The following SDCCAG8 variants were observed in gnomAD, a reference collection of about 807,000 sequenced individuals.
SDCCAG8 encodes SHH signaling and ciliogenesis regulator SDCCAG8.
SDCCAG8 carries 74 observed loss-of-function variants against 101.8 expected under a neutral mutation model. That is an observed-to-expected ratio of 0.73 (90% CI 0.60 to 0.88). The LOEUF is 0.88. SDCCAG8 is among the 40% of genes least tolerant of loss of function. SDCCAG8 has a pLI of 0.00. For missense variants in SDCCAG8, 787 were observed against 822.6 expected (o/e 0.96, Z 0.53); for synonymous variants, 281 against 292.9 (o/e 0.96, Z 0.41).
intron 6 of SDCCAG8, among the ~76,000 whole-genome samples, chr1:243,294,306 T>C (rs1050064355): frequency 2.0e-5 from 3 of 152,212 alleles, no homozygotes; most frequent in African/African-American, 7.2e-5. Context: ...AAGGCTGTAA[T>C]ACTCCTTTTG....
At chr1:243,363,108 G>A (rs1208410795) in intron 12 of SDCCAG8, among the ~76,000 whole-genome samples, 2 of 152,164 alleles carry the variant, frequency 1.3e-5, no homozygotes, top group Non-Finnish European at 2.9e-5. Context: ...ATTAAAGTCA[G>A]TGGTCTAAAT....
rs1378080039 is a variant in SDCCAG8 at position 243,474,502 on chromosome 1, G to T, written c.1986-14512G>T. Among the ~76,000 whole-genome samples, 1 of 152,190 alleles carries T rather than the reference G, an allele frequency of 6.6e-6. No homozygotes were observed. Among genetic ancestry groups the T allele is most frequent in the Non-Finnish European group, 1.5e-5 (1 of 68,020 alleles). ...TCGAAGCAGCCGCCGGGAGGTCTGGGTGGGCAGGGAGGCCGAGAGGACGGT... is the reference window on the plus strand; with the variant it reads ...TCGAAGCAGCCGCCGGGAGGTCTGGTTGGGCAGGGAGGCCGAGAGGACGGT... On this transcript the variant is annotated intron_variant, in intron 16 of 17. Coordinates refer to ENST00000366541, the MANE Select transcript of SDCCAG8 (RefSeq NM_006642.5). The surrounding 1 kb of genome is among the most constrained non-coding windows in gnomAD (Gnocchi z 4.7).
chr1:243,442,943 T>C (rs573659643), intron 16 of SDCCAG8, among the ~76,000 whole-genome samples: 2 of 152,358 alleles, frequency 1.3e-5, no homozygotes, highest in Admixed American at 6.5e-5. Flanking sequence ...ATTGAGACAA[T>C]CAATTTACAT....
intron 12 of SDCCAG8, among the ~76,000 whole-genome samples, chr1:243,348,598 C>G (rs531009768): frequency 6.6e-6 from 1 of 152,094 alleles, no homozygotes; most frequent in South Asian, 2.1e-4. Context: ...CTGAGAACTG[C>G]GTAGGGCTGC....
intron 16 of SDCCAG8, among the ~76,000 whole-genome samples, chr1:243,485,722 G>C (rs765832374): frequency 6.6e-6 from 1 of 151,432 alleles, no homozygotes; most frequent in South Asian, 2.1e-4. Context: ...TGGCCAAGAT[G>C]GTGAAACCCT....
At chr1:243,485,894 GAAA>G (rs111581512) in intron 16 of SDCCAG8, among the ~76,000 whole-genome samples, 1 of 102,464 alleles carries the variant, frequency 9.8e-6, no homozygotes, top group Non-Finnish European at 2.0e-5. Context: ...TTCGTATCAA[GAAA>G]AAAAAAAAAA....
chr1:243,360,841 CA>C (rs889309956), intron 12 of SDCCAG8, among the ~76,000 whole-genome samples: 4 of 151,814 alleles, frequency 2.6e-5, no homozygotes, highest in African/African-American at 9.7e-5. Flanking sequence ...CAAAACAAAA[CA>C]AAAAAACAAA....
At chr1:243,258,892 A>G (rs1001744572) in intron 1 of SDCCAG8, among the ~76,000 whole-genome samples, 1 of 152,148 alleles carries the variant, frequency 6.6e-6, no homozygotes, top group Non-Finnish European at 1.5e-5. Context: ...TTGTCTACCC[A>G]CCATTACTTC....
intron 13 of SDCCAG8, among the ~76,000 whole-genome samples, chr1:243,401,950 G>A (rs529802360): frequency 6.6e-6 from 1 of 152,062 alleles, no homozygotes; most frequent in Non-Finnish European, 1.5e-5. Context: ...AGGCACTTAC[G>A]TTTAGTAGTT....
chr1:243,362,082 AAGTAACACAGTAACTG>A (rs2076747665), intron 12 of SDCCAG8, among the ~76,000 whole-genome samples: 1 of 145,190 alleles, frequency 6.9e-6, no homozygotes, highest in African/African-American at 2.5e-5. Context: ...TGACTGCCTC[AAGTAACACAGTAACTG>A]GATGGATAGG....
At chr1:243,376,845 C>T (rs1244379794) in intron 12 of SDCCAG8, among the ~76,000 whole-genome samples, 1 of 152,118 alleles carries the variant, frequency 6.6e-6, no homozygotes, top group Non-Finnish European at 1.5e-5. Flanking sequence ...TTCTCAAGCT[C>T]AACCTCTGTC....
At chr1:243,293,320 T>G (rs1387571462) in intron 6 of SDCCAG8, 101 bp downstream of exon 6, 10 of 1,231,866 alleles carry the variant, frequency 8.1e-6, no homozygotes, top group Non-Finnish European at 1.2e-5. Context: ...AATTTACCAT[T>G]ATAACCATTT....
At chr1:243,475,960 T>C (rs1662330861) in intron 16 of SDCCAG8, 3 of 985,412 alleles carry the variant, frequency 3.0e-6, no homozygotes, top group Non-Finnish European at 3.6e-6. Flanking sequence ...CTCCATCTCG[T>C]CTGCTGCTGG....
At chr1:243,347,966 T>C (rs143736197) in intron 12 of SDCCAG8, among the ~76,000 whole-genome samples, 15 of 151,780 alleles carry the variant, frequency 9.9e-5, no homozygotes, top group Admixed American at 3.9e-4. Flanking sequence ...TTTTCCTTTC[T>C]TCTTCAGTCT....
At chr1:243,275,367 A>G (rs1014430828) in intron 4 of SDCCAG8, among the ~76,000 whole-genome samples, 1 of 151,228 alleles carries the variant, frequency 6.6e-6, no homozygotes, top group African/African-American at 2.4e-5. Flanking sequence ...GGAATCACTG[A>G]TATCTCTTGT....
intron 9 of SDCCAG8, among the ~76,000 whole-genome samples, chr1:243,319,546 T>C (rs529198143): frequency 1.3e-5 from 2 of 152,058 alleles, no homozygotes; most frequent in East Asian, 3.9e-4. Flanking sequence ...GCTAATTTTG[T>C]TTTTTTAGTA....
chr1:243,426,368 C>T lies in SDCCAG8; in HGVS notation c.1854-59C>T, dbSNP rs1573974581. The T allele has an allele frequency of 9.9e-6, 14 of 1,415,648 alleles. No individual in the cohort carries two copies. The East Asian group carries it at 2.6e-4, about 26-fold the overall frequency. The allele number at this position is 1,415,648 out of a possible 1,614,324, so 87.7% of individuals were successfully genotyped here. A position where few individuals can be genotyped will look rare whatever the true frequency, so the allele number is the denominator to read the frequency against. The stretch of plus-strand genomic sequence containing the variant: ...AGATAATGTTAAGGTTATATAATAA[C>T]AATATGCCCTAGTAATAAGAACTTC... On this transcript the variant is annotated intron_variant, in intron 15 of 17. Coordinates refer to ENST00000366541, the MANE Select transcript of SDCCAG8 (RefSeq NM_006642.5).
intron 5 of SDCCAG8, among the ~76,000 whole-genome samples, chr1:243,290,772 T>C (rs1201328334): frequency 6.6e-6 from 1 of 152,180 alleles, no homozygotes; most frequent in African/African-American, 2.4e-5. Flanking sequence ...CCAGTGTCAA[T>C]TTTTTTCTGG....
chr1:243,411,811 G>A (rs975089619), intron 13 of SDCCAG8, among the ~76,000 whole-genome samples: 2 of 152,152 alleles, frequency 1.3e-5, no homozygotes, highest in Non-Finnish European at 2.9e-5. Flanking sequence ...CTATACCACA[G>A]TTTATCCATT....
Sources: allele counts gnomAD v4.1 joint callset (sites outside exome capture counted in the v4.1 genomes callset), GRCh38; gene constraint gnomAD v4.1.1; non-coding constraint Gnocchi (gnomAD v3.1); transcripts MANE v1.5; gene names NCBI Gene and HGNC (gene_info 2026-07-23, HGNC 2026-07-21).